The following SMURF1 variants were observed in gnomAD, a reference collection of about 807,000 sequenced individuals.
SMURF1 encodes the protein SMAD specific E3 ubiquitin protein ligase 1.
In SMURF1, 44 loss-of-function variants were observed where a neutral mutation model predicts 98.0. That is an observed-to-expected ratio of 0.45 (90% CI 0.35 to 0.58). The LOEUF (loss-of-function observed/expected upper bound fraction) is 0.58, where lower values mean the gene tolerates loss of function less well. Ranked by LOEUF, SMURF1 falls within the 20% of genes least tolerant of loss-of-function variation. The pLI is 0.00. For synonymous variants in SMURF1, 396 were observed against 374.9 expected (o/e 1.06, Z -0.65); for missense variants, 687 against 938.4 (o/e 0.73, Z 3.50).
At chr7:99,040,143 T>C (rs999836596) in intron 13 of SMURF1, among the ~76,000 whole-genome samples, 1 of 152,178 alleles carries the variant, frequency 6.6e-6, no homozygotes, top group Non-Finnish European at 1.5e-5. Context: ...TTGTATTTTT[T>C]TGCAGTAACG....
intron 1 of SMURF1, among the ~76,000 whole-genome samples, chr7:99,137,957 C>A (rs1056035246): frequency 6.6e-6 from 1 of 152,202 alleles, no homozygotes; most frequent in African/African-American, 2.4e-5. Context: ...TTAAACATAG[C>A]TCCATGGCTT....
intron 6 of SMURF1, 33 bp from the exon 7 acceptor site, chr7:99,052,479 C>G (rs1373582342): frequency 6.7e-7 from 1 of 1,486,476 alleles, no homozygotes; most frequent in Admixed American, 2.3e-5. Context: ...GGCATGGTGT[C>G]ACCATGGAGG....
At chr7:99,118,190 G>A (rs1343020560) in intron 1 of SMURF1, among the ~76,000 whole-genome samples, 1 of 152,162 alleles carries the variant, frequency 6.6e-6, no homozygotes. Context: ...TGAAACCCTT[G>A]AACACCACTG....
chr7:99,110,602 G>A (rs1001050096), intron 1 of SMURF1, among the ~76,000 whole-genome samples: 5 of 152,206 alleles, frequency 3.3e-5, no homozygotes, highest in African/African-American at 1.2e-4. Flanking sequence ...TTGAAAAGAT[G>A]ATGCAGAAAC....
chr7:99,040,617 C>T (rs987061438), intron 12 of SMURF1, 61 bp from the exon 13 acceptor site: 9 of 1,348,588 alleles, frequency 6.7e-6, no homozygotes, highest in South Asian at 4.3e-5. Context: ...GTGGGAATCT[C>T]GTGCTGTCCC....
Position 99,027,951 on chromosome 7 carries a change from A to G in SMURF1, c.*2633T>C, listed in dbSNP as rs1794749342. On this transcript the variant is annotated 3_prime_UTR_variant, in exon 18 of 18. Transcript: ENST00000361368. ...GCAGATTCTCTTTTCAGAACTTGAG[A>G]GAGCCCTTTTCCGGTCGCCCCGGGC... 1.3e-5 allele frequency: 2 copies of G among 152,666 alleles called. No homozygotes were observed. The highest frequency in any genetic ancestry group is 4.8e-5 in the African/African-American group (2 of 41,448). The allele number at this position is 152,666 out of a possible 1,614,324, so 9.5% of individuals were successfully genotyped here.
intron 1 of SMURF1, among the ~76,000 whole-genome samples, chr7:99,113,308 C>A (rs1797363927): frequency 6.6e-6 from 1 of 152,080 alleles, no homozygotes; most frequent in Non-Finnish European, 1.5e-5. Flanking sequence ...TAGAAGGCAT[C>A]CTCAATAAAA....
rs1200444382 is a variant in SMURF1 at position 99,040,514 on chromosome 7, G to A, written c.1414C>T (p.Leu472=). Reference sequence around the variant, plus strand: ...ATGTAGTGTCCATGGAACACAGCCAGCCCCATGATCCGCCCCACAAAGTGG... The same window carrying A: ...ATGTAGTGTCCATGGAACACAGCCAACCCCATGATCCGCCCCACAAAGTGG... ...YFHFVGRIMG[L]AVFHGHYING... Residue 472 remains leucine (L), a synonymous_variant, in exon 13 of 18, where the codon CTG becomes TTG. Coordinates refer to ENST00000361368, the MANE Select transcript of SMURF1 (RefSeq NM_181349.3). 2 of 1,546,288 alleles carry A rather than the reference G, an allele frequency of 1.3e-6. No individual in the cohort carries two copies. The highest frequency in any genetic ancestry group is 2.5e-5 in the East Asian group (1 of 40,068).
intron 1 of SMURF1, among the ~76,000 whole-genome samples, chr7:99,109,000 G>A (rs1797263480): frequency 6.6e-6 from 1 of 152,080 alleles, no homozygotes; most frequent in Admixed American, 6.5e-5. Context: ...ATTTACCCAC[G>A]TTCTTTCCTC....
At chr7:99,077,984 T>C (rs898166091) in intron 1 of SMURF1, among the ~76,000 whole-genome samples, 3 of 152,090 alleles carry the variant, frequency 2.0e-5, no homozygotes, top group Admixed American at 6.6e-5. Flanking sequence ...TGGCTTTTCA[T>C]GTCTTTATTT....
intron 1 of SMURF1, among the ~76,000 whole-genome samples, chr7:99,067,263 T>G (rs1165371323): frequency 6.6e-6 from 1 of 151,976 alleles, no homozygotes; most frequent in African/African-American, 2.4e-5. Context: ...CCCAAAGTGC[T>G]GGGATTACAG....
At chr7:99,129,154 A>G (rs1189593819) in intron 1 of SMURF1, among the ~76,000 whole-genome samples, 1 of 152,178 alleles carries the variant, frequency 6.6e-6, no homozygotes, top group Non-Finnish European at 1.5e-5. Context: ...ACATTTTTTC[A>G]TATGTTTTGA....
At chr7:99,041,004 C>T (rs1795356122) in intron 12 of SMURF1, among the ~76,000 whole-genome samples, 1 of 152,042 alleles carries the variant, frequency 6.6e-6, no homozygotes, top group Non-Finnish European at 1.5e-5. Context: ...ACCACTCCCT[C>T]GATCCAGAAC....
intron 8 of SMURF1, 23 bp downstream of exon 8, chr7:99,051,334 G>A (rs753672374): frequency 6.3e-7 from 1 of 1,583,622 alleles, no homozygotes; most frequent in Non-Finnish European, 8.7e-7. Flanking sequence ...ACAGCTGGGG[G>A]GTGTCCATTT....
intron 1 of SMURF1, among the ~76,000 whole-genome samples, chr7:99,071,252 G>A (rs1302666987): frequency 6.6e-6 from 1 of 152,060 alleles, no homozygotes; most frequent in East Asian, 1.9e-4. Context: ...TAGAGACGAG[G>A]TTTCGCCATG....
At chr7:99,095,362 G>A (rs894063098) in intron 1 of SMURF1, among the ~76,000 whole-genome samples, 2 of 152,156 alleles carry the variant, frequency 1.3e-5, no homozygotes, top group African/African-American at 4.8e-5. Context: ...TTACAGGCGT[G>A]AGCCACCGCA....
At chr7:99,107,609 G>T (rs1797221208) in intron 1 of SMURF1, among the ~76,000 whole-genome samples, 1 of 152,208 alleles carries the variant, frequency 6.6e-6, no homozygotes. Context: ...CACAGAGAAA[G>T]TTGAGCGTCA....
chr7:99,040,903 G>T (rs1219259628), intron 12 of SMURF1, among the ~76,000 whole-genome samples: 1 of 152,112 alleles, frequency 6.6e-6, no homozygotes, highest in African/African-American at 2.4e-5. Context: ...CAGGGCCTCG[G>T]CACCATGCTG....
At chr7:99,079,393 C>A (rs574401401) in intron 1 of SMURF1, among the ~76,000 whole-genome samples, 2 of 152,316 alleles carry the variant, frequency 1.3e-5, no homozygotes, top group East Asian at 3.9e-4. Context: ...CTCCCCAGCT[C>A]CTCCCCACAG....
Sources: allele counts gnomAD v4.1 joint callset (sites outside exome capture counted in the v4.1 genomes callset), GRCh38; gene constraint gnomAD v4.1.1; transcripts MANE v1.5; gene names NCBI Gene and HGNC (gene_info 2026-07-23, HGNC 2026-07-21).